Variants in CFAP107 observed in about 807,000 individuals in gnomAD.
The protein encoded by CFAP107 is cilia and flagella associated protein 107.
At chr1:12,755,361 C>A in the CFAP107 span, among the ~76,000 whole-genome samples, 1 of 151,706 alleles carries the variant, frequency 6.6e-6, no homozygotes, top group Admixed American at 6.6e-5. Flanking sequence ...GCCGAGATTG[C>A]GCCACTGCAC....
At chr1:12,746,298 T>A in the CFAP107 span, 1 of 601,552 alleles carries the variant, frequency 1.7e-6, no homozygotes, top group Non-Finnish European at 3.0e-6. Context: ...AGGAGTCATC[T>A]ACTAGCCATT....
the CFAP107 span, among the ~76,000 whole-genome samples, chr1:12,757,651 G>A: frequency 6.6e-6 from 1 of 150,770 alleles, no homozygotes; most frequent in African/African-American, 2.5e-5. Flanking sequence ...CTCTCAAACT[G>A]CTGGGATTAC....
chr1:12,756,622 A>T, the CFAP107 span, among the ~76,000 whole-genome samples: 4 of 152,116 alleles, frequency 2.6e-5, no homozygotes, highest in African/African-American at 9.7e-5. Flanking sequence ...TGCTGCTCTT[A>T]TAAGCGATTT....
chr1:12,755,724 C>G, the CFAP107 span: 15 of 1,613,584 alleles, frequency 9.3e-6, no homozygotes, highest in South Asian at 8.8e-5. Context: ...TGACAAGACA[C>G]CCCAATCCAT....
At chr1:12,756,758 C>T in the CFAP107 span, among the ~76,000 whole-genome samples, 2 of 152,142 alleles carry the variant, frequency 1.3e-5, no homozygotes, top group African/African-American at 2.4e-5. Context: ...CTTGGAGGGA[C>T]CCAAGAGATT....
chr1:12,750,844 G>GT, the CFAP107 span, among the ~76,000 whole-genome samples: 30 of 148,216 alleles, frequency 2.0e-4, no homozygotes, highest in African/African-American at 2.7e-4. Flanking sequence ...GAATACGTGT[G>GT]TTTTTTTTTT....
At chr1:12,753,885 C>A in the CFAP107 span, 1 of 151,806 alleles carries the variant, frequency 6.6e-6, no homozygotes, top group South Asian at 2.1e-4. Flanking sequence ...GGCGACACAG[C>A]AAGAACTTAT....
chr1:12,759,278 C>T, the CFAP107 span: 21 of 1,607,094 alleles, frequency 1.3e-5, no homozygotes, highest in African/African-American at 2.7e-4. Context: ...TCGCTCCTAT[C>T]AGTAACGAGC....
At chr1:12,756,319 T>C in the CFAP107 span, among the ~76,000 whole-genome samples, 1 of 152,210 alleles carries the variant, frequency 6.6e-6, no homozygotes, top group Non-Finnish European at 1.5e-5. Flanking sequence ...CATTGCAACC[T>C]CAGAACATGC....
chr1:12,759,085 C>T, the CFAP107 span, among the ~76,000 whole-genome samples: 8 of 152,216 alleles, frequency 5.3e-5, no homozygotes, highest in Admixed American at 2.0e-4. Flanking sequence ...GGCATGGGAC[C>T]GGCCATACAG....
chr1:12,746,795 T>C, the CFAP107 span, among the ~76,000 whole-genome samples: 1 of 152,254 alleles, frequency 6.6e-6, no homozygotes, highest in East Asian at 1.9e-4. Context: ...CTTACAGATA[T>C]AACAGGGGCA....
chr1:12,746,575 A>G, the CFAP107 span: 5 of 1,468,266 alleles, frequency 3.4e-6, no homozygotes, highest in Middle Eastern at 5.2e-4. Flanking sequence ...GAGAGGGCTC[A>G]GAGGGACTGA....
chr1:12,755,547 G>A, the CFAP107 span, among the ~76,000 whole-genome samples: 35 of 152,292 alleles, frequency 2.3e-4, no homozygotes, highest in African/African-American at 2.6e-4. Context: ...CCCCGTCCCC[G>A]AGCAAGCTCT....
the CFAP107 span, chr1:12,755,842 A>G: frequency 6.8e-7 from 1 of 1,461,994 alleles, no homozygotes; most frequent in Non-Finnish European, 9.6e-7. Context: ...TGGGACACTC[A>G]GGCCTGGACC....
chr1:12,755,636 G>C, the CFAP107 span: 2 of 1,102,414 alleles, frequency 1.8e-6, no homozygotes, highest in Admixed American at 1.7e-5. Context: ...GGAGGTAAGG[G>C]GACCCAGCAG....
chr1:12,746,636 A>G, the CFAP107 span: 2 of 864,048 alleles, frequency 2.3e-6, no homozygotes, highest in Non-Finnish European at 3.9e-6. Context: ...GGAGGGCAGC[A>G]GATGATTGCA....
the CFAP107 span, chr1:12,746,681 A>G: frequency 2.5e-5 from 16 of 634,934 alleles, no homozygotes; most frequent in African/African-American, 2.7e-4. Context: ...TCTGTGCTCT[A>G]CAAAGGATAG....
chr1:12,761,025 A>G, the CFAP107 span: 2 of 1,396,746 alleles, frequency 1.4e-6, no homozygotes, highest in Non-Finnish European at 1.9e-6. Context: ...CCAGACAACA[A>G]GTGGCGCAGA....
the CFAP107 span, among the ~76,000 whole-genome samples, chr1:12,755,202 C>A: frequency 1.3e-5 from 2 of 152,042 alleles, no homozygotes; most frequent in Non-Finnish European, 2.9e-5. Flanking sequence ...GTTGAGAGAT[C>A]GAGACCATCC....
Sources: allele counts gnomAD v4.1 joint callset (sites outside exome capture counted in the v4.1 genomes callset), GRCh38; gene constraint gnomAD v4.1.1; transcripts MANE v1.5; gene names NCBI Gene and HGNC (gene_info 2026-07-23, HGNC 2026-07-21).